Variants in MYLK observed in about 807,000 individuals in gnomAD.
MYLK encodes myosin light chain kinase, smooth muscle.
MYLK carries 106 observed loss-of-function variants against 203.4 expected under a neutral mutation model. The ratio of observed to expected loss-of-function variants is 0.52; its 90% CI spans 0.45 to 0.61. The LOEUF (loss-of-function observed/expected upper bound fraction) is 0.61, where lower values mean the gene tolerates loss of function less well. Ranked by LOEUF, MYLK falls within the 20% of genes least tolerant of loss-of-function variation. The pLI is 0.00. For missense variants in MYLK, 2,072 were observed against 2,442.3 expected (o/e 0.85, Z 3.20); for synonymous variants, 867 against 959.5 (o/e 0.90, Z 1.78).
At chr3:123,866,107 T>C (rs561522875) in intron 2 of MYLK, among the ~76,000 whole-genome samples, 1 of 152,196 alleles carries the variant, frequency 6.6e-6, no homozygotes, top group Non-Finnish European at 1.5e-5. Flanking sequence ...GCTTTTCAGG[T>C]CTTCACAAGC....
Position 123,731,137 on chromosome 3 carries a change from C to T in MYLK, c.1516+1759G>A, listed in dbSNP as rs909295033. On this transcript the variant is annotated intron_variant, in intron 11 of 33. Coordinates refer to ENST00000360304, the MANE Select transcript of MYLK (RefSeq NM_053025.4). ...CCCCTGCGCAGGGATAGAGACCTGG[C>T]CTGGATGATGAGGCTTGATCTCCTA... Among the ~76,000 whole-genome samples, 8 of 152,224 alleles carry T rather than the reference C, an allele frequency of 5.3e-5. No individual in the cohort carries two copies. In the East Asian group the frequency reaches 1.4e-3, roughly 26 times the overall value.
intron 4 of MYLK, among the ~76,000 whole-genome samples, chr3:123,784,491 G>A (rs576557788): frequency 2.7e-4 from 39 of 143,478 alleles, no homozygotes; most frequent in Non-Finnish European, 5.1e-4. Flanking sequence ...TTCCCACTGT[G>A]TAAGATGGGG....
rs1279342455 is a variant in MYLK, at chr3:123,700,152, C to G, written c.3316G>C (p.Asp1106His). Residue 1106 changes from aspartate (D) to histidine (H), a missense_variant, in exon 18 of 34, where the codon GAT (aspartate) becomes CAT (histidine). Around this residue, in one of 3 missense-constraint regions of MYLK, gnomAD observed 865 missense variants for 1,016.0 expected, o/e 0.85. Coordinates refer to ENST00000360304, the MANE Select transcript of MYLK (RefSeq NM_053025.4). Reference protein sequence around the residue: ...TAPAFKQKLQDVHVAEGKKLL... With the variant: ...TAPAFKQKLQHVHVAEGKKLL... Reference sequence around the variant, plus strand: ...TTCTTGCCCTCTGCCACATGAACATCTTGCAGCTTCTGCTTGAAGGCTGGG... The same window carrying G: ...TTCTTGCCCTCTGCCACATGAACATGTTGCAGCTTCTGCTTGAAGGCTGGG... 1 of 1,613,890 alleles carries G rather than the reference C, an allele frequency of 6.2e-7. No individual in the cohort carries two copies. Among genetic ancestry groups the G allele is most frequent in the Non-Finnish European group, 8.5e-7 (1 of 1,179,992 alleles).
chr3:123,880,413 C>G (rs2033453097), intron 1 of MYLK, among the ~76,000 whole-genome samples: 1 of 152,164 alleles, frequency 6.6e-6, no homozygotes. Flanking sequence ...TGAGAAATAA[C>G]CCATAAGGTC....
intron 19 of MYLK, among the ~76,000 whole-genome samples, chr3:123,687,610 ACCTTCATTCCTT>A (rs1355685504): frequency 7.4e-6 from 1 of 135,980 alleles, no homozygotes; most frequent in Non-Finnish European, 1.6e-5. Context: ...CTTCCTTCCT[ACCTTCATTCCTT>A]CCTTCCTTTC....
At chr3:123,738,711 T>C (rs2062761459) in intron 7 of MYLK, among the ~76,000 whole-genome samples, 186 bp downstream of exon 7, 1 of 152,212 alleles carries the variant, frequency 6.6e-6, no homozygotes, top group Non-Finnish European at 1.5e-5. Context: ...CCTGCCGCCA[T>C]ATAAGGCATG....
At chr3:123,759,335 T>C (rs1191771223) in intron 4 of MYLK, among the ~76,000 whole-genome samples, 1 of 152,202 alleles carries the variant, frequency 6.6e-6, no homozygotes, top group East Asian at 1.9e-4. Flanking sequence ...CCACGGATAC[T>C]GTGTCTTCAG....
chr3:123,648,858 TG>T lies in MYLK; in HGVS notation c.4415+112del. 1.1e-6 allele frequency: 1 copy of T among 874,038 alleles called. No homozygotes were observed. The allele number at this position is 874,038 out of a possible 1,614,324, so 54.1% of individuals were successfully genotyped here. Reference sequence around the variant, plus strand: ...TTTGGATCCTGCAGGACTCTCAGTCTGGGGAGGAGGCAGGCCCCAGGGAGCA... The same window carrying T: ...TTTGGATCCTGCAGGACTCTCAGTCTGGGAGGAGGCAGGCCCCAGGGAGCA... On this transcript the variant is annotated intron_variant, in intron 26 of 33. Transcript: ENST00000360304. This position sits in a 1 kb window ranked among gnomAD's most constrained non-coding sequence, Gnocchi z 4.5.
At chr3:123,829,420 CAG>C (rs1162277565) in intron 3 of MYLK, among the ~76,000 whole-genome samples, 1 of 151,960 alleles carries the variant, frequency 6.6e-6, no homozygotes, top group Non-Finnish European at 1.5e-5. Flanking sequence ...AAAAGTAGAA[CAG>C]AGCATACTAG....
At chr3:123,625,512 A>G (rs1390410767) in intron 31 of MYLK, among the ~76,000 whole-genome samples, 4 of 151,690 alleles carry the variant, frequency 2.6e-5, no homozygotes, top group African/African-American at 7.3e-5. Flanking sequence ...CAGCAGCCTA[A>G]GAATTGTAAT....
At chr3:123,883,623 A>G (rs2033678327) in intron 1 of MYLK, among the ~76,000 whole-genome samples, 1 of 152,214 alleles carries the variant, frequency 6.6e-6, no homozygotes, top group African/African-American at 2.4e-5. Flanking sequence ...AAAACTTTCC[A>G]ACTGCAATCA....
In MYLK at chr3:123,805,829, G is replaced by A. The variant is rs75617925; in HGVS notation, c.-3-11985C>T. 6.2e-4 allele frequency among the ~76,000 whole-genome samples: 94 copies of A among 152,298 alleles called. 2 individuals are homozygous for A. In the South Asian group the frequency reaches 0.011, roughly 18 times the overall value. ...CATCTGTACATCTGCAGGGTAGTAT[G>A]ATTAGCAGCAGCTTTAAGCAGCTAT... On this transcript the variant is annotated intron_variant, in intron 3 of 33. Coordinates refer to ENST00000360304, the MANE Select transcript of MYLK (RefSeq NM_053025.4).
chr3:123,802,953 C>T (rs1265548112), intron 3 of MYLK, among the ~76,000 whole-genome samples: 1 of 151,988 alleles, frequency 6.6e-6, no homozygotes, highest in East Asian at 1.9e-4. Context: ...AAATACCATG[C>T]CCCCCACTCC....
rs11917924 is a variant in MYLK at position 123,666,099 on chromosome 3, C to T, written c.3831+120G>A. ...CGATGGGTAGGGGAGTGGCCTCTCC[C>T]ATTTCTAAAGCTACGAAGAGTGAGG... On this transcript the variant is annotated intron_variant, in intron 22 of 33. Coordinates refer to ENST00000360304, the MANE Select transcript of MYLK (RefSeq NM_053025.4). The T allele has an allele frequency of 4.9e-4, 750 of 1,520,364 alleles. 5 individuals are homozygous for T. The African/African-American group carries it at 9.0e-3, about 18-fold the overall frequency. The allele number at this position is 1,520,364 out of a possible 1,614,324, so 94.2% of individuals were successfully genotyped here.
At chr3:123,653,986 T>TTGGGTGTGTGTG (rs1553783586) in intron 24 of MYLK, among the ~76,000 whole-genome samples, 35 of 137,756 alleles carry the variant, frequency 2.5e-4, no homozygotes, top group Middle Eastern at 3.7e-3. Context: ...CAGAGGGATG[T>TTGGGTGTGTGTG]TGTGTGTGTG....
chr3:123,682,083 A>C, intron 20 of MYLK, 141 bp downstream of exon 20: 1 of 722,164 alleles, frequency 1.4e-6, no homozygotes. Context: ...TGGGCACTTC[A>C]GGGTGTGGGC....
At position 123,862,979 on chromosome 3, in the gene MYLK, G is replaced by A. The variant is rs111561131; in HGVS notation, c.-127+13580C>T. Among the ~76,000 whole-genome samples the A allele has an allele frequency of 2.9e-3, 440 of 152,260 alleles. 1 individual carries two copies. The highest frequency in any genetic ancestry group is 0.01 in the African/African-American group (420 of 41,540). On this transcript the variant is annotated intron_variant, in intron 2 of 33. Transcript: ENST00000360304. ...CTCACGTTGAAAACCTGTCATCCACGTAAGAAGGGTTATTATAACACAGTG... is the reference window on the plus strand; with the variant it reads ...CTCACGTTGAAAACCTGTCATCCACATAAGAAGGGTTATTATAACACAGTG...
chr3:123,734,490 C>T (rs2062606677), intron 9 of MYLK: 2 of 377,972 alleles, frequency 5.3e-6, no homozygotes, highest in Non-Finnish European at 9.4e-6. Flanking sequence ...CTAGTGCCTC[C>T]GTAGTTCAAC....
intron 3 of MYLK, among the ~76,000 whole-genome samples, chr3:123,807,991 C>G (rs892174555): frequency 7.2e-5 from 11 of 152,252 alleles, no homozygotes; most frequent in African/African-American, 2.4e-4. Flanking sequence ...AGACAGCCTC[C>G]AGCTGTGGAT....
Sources: allele counts gnomAD v4.1 joint callset (sites outside exome capture counted in the v4.1 genomes callset), GRCh38; gene constraint gnomAD v4.1.1; regional missense constraint gnomAD v4.1.1; non-coding constraint Gnocchi (gnomAD v3.1); transcripts MANE v1.5; gene names NCBI Gene and HGNC (gene_info 2026-07-23, HGNC 2026-07-21).